Variants in EPHB1 observed in about 807,000 individuals in gnomAD.
EPHB1 encodes the protein ephrin type-B receptor 1.
EPHB1 carries 30 observed loss-of-function variants against 94.4 expected under a neutral mutation model. The ratio of observed to expected loss-of-function variants is 0.32; its 90% CI spans 0.24 to 0.43. EPHB1 has a LOEUF of 0.43. Among genes scored for constraint, EPHB1 ranks in the 20% least tolerant of loss-of-function variants. The pLI is 1.00. For synonymous variants in EPHB1, 522 were observed against 489.1 expected (o/e 1.07, Z -0.89); for missense variants, 1,055 against 1,308.3 (o/e 0.81, Z 2.99).
intron 10 of EPHB1, among the ~76,000 whole-genome samples, chr3:135,186,484 T>G (rs1559866857): frequency 6.6e-6 from 1 of 152,240 alleles, no homozygotes; most frequent in Admixed American, 6.5e-5. Flanking sequence ...CTAGTTTAAA[T>G]GTATTCTTTA....
chr3:134,910,733 G>C (rs192249043), intron 1 of EPHB1, among the ~76,000 whole-genome samples: 1 of 152,294 alleles, frequency 6.6e-6, no homozygotes, highest in African/African-American at 2.4e-5. Context: ...TCTTGCCATT[G>C]ACCCCTGGCA....
intron 3 of EPHB1, among the ~76,000 whole-genome samples, chr3:135,073,471 C>T (rs563133740): frequency 9.2e-5 from 14 of 152,276 alleles, no homozygotes; most frequent in Admixed American, 7.2e-4. Flanking sequence ...TTAACTAATT[C>T]CTTATGTTGA....
intron 3 of EPHB1, among the ~76,000 whole-genome samples, chr3:135,047,191 G>C (rs1379391604): frequency 6.6e-6 from 1 of 152,232 alleles, no homozygotes; most frequent in Non-Finnish European, 1.5e-5. Flanking sequence ...GGCCCTGATG[G>C]AGGGAGAGAG....
chr3:135,151,463 C>T (rs1008205068), intron 5 of EPHB1, among the ~76,000 whole-genome samples: 1 of 152,160 alleles, frequency 6.6e-6, no homozygotes, highest in African/African-American at 2.4e-5. Context: ...GATCACACAC[C>T]TCTCACCTCT....
At chr3:135,233,354 TATTAAACC>T (rs1267575931) in intron 12 of EPHB1, among the ~76,000 whole-genome samples, 1 of 152,214 alleles carries the variant, frequency 6.6e-6, no homozygotes, top group Admixed American at 6.5e-5. Context: ...AATGGGCAGT[TATTAAACC>T]TTAAAGTTCC....
At chr3:134,988,672 C>T (rs191204719) in intron 3 of EPHB1, among the ~76,000 whole-genome samples, 6 of 152,108 alleles carry the variant, frequency 3.9e-5, no homozygotes, top group African/African-American at 1.2e-4. Context: ...CCCTATCATG[C>T]GGTTTTTACT....
At chr3:135,145,049 C>T (rs1054147349) in intron 5 of EPHB1, among the ~76,000 whole-genome samples, 1 of 152,220 alleles carries the variant, frequency 6.6e-6, no homozygotes, top group Non-Finnish European at 1.5e-5. Flanking sequence ...TCTACTTTGA[C>T]CAGAAGTGTT....
chr3:135,071,395 G>T lies in EPHB1; in HGVS notation c.806-35053G>T, dbSNP rs116431896. 3.2e-3 allele frequency among the ~76,000 whole-genome samples: 495 copies of T among 152,328 alleles called. 4 individuals carry two copies. The highest frequency in any genetic ancestry group is 3.4e-3 in the Middle Eastern group (1 of 294). On this transcript the variant is annotated intron_variant, in intron 3 of 15. Coordinates refer to ENST00000398015, the MANE Select transcript of EPHB1 (RefSeq NM_004441.5). ...GAGGCAAAGATCATTTCCAGCTAAT[G>T]TGAGAGGTAGAAAGTCTCTGTAAGA... is the stretch of plus-strand genomic sequence containing the variant.
At chr3:135,209,255 T>C (rs1942975255) in intron 12 of EPHB1, among the ~76,000 whole-genome samples, 1 of 152,204 alleles carries the variant, frequency 6.6e-6, no homozygotes, top group Admixed American at 6.5e-5. Flanking sequence ...AATGGATGCT[T>C]AAACTTAAGG....
chr3:135,154,003 G>A (rs1401888303), intron 5 of EPHB1, 149 bp from the exon 6 acceptor site: 43 of 1,061,120 alleles, frequency 4.1e-5, no homozygotes, highest in Non-Finnish European at 5.9e-5. Flanking sequence ...AAACCCACAG[G>A]AAGTTCTGCA....
chr3:134,871,629 C>A (rs776169999), intron 1 of EPHB1, among the ~76,000 whole-genome samples: 1 of 152,144 alleles, frequency 6.6e-6, no homozygotes, highest in African/African-American at 2.4e-5. Context: ...CCAGGGCTTT[C>A]TGGGTGATCT....
intron 2 of EPHB1, among the ~76,000 whole-genome samples, chr3:134,949,198 G>A (rs1932918004): frequency 6.6e-6 from 1 of 152,152 alleles, no homozygotes; most frequent in Non-Finnish European, 1.5e-5. Flanking sequence ...AAGGATACTG[G>A]CAGGAGCTGA....
chr3:134,917,128 A>C (rs1014346028), intron 1 of EPHB1, among the ~76,000 whole-genome samples: 1 of 152,238 alleles, frequency 6.6e-6, no homozygotes, highest in Admixed American at 6.5e-5. Context: ...TGAGGATTCC[A>C]GAGACAGAAA....
At chr3:135,123,371 C>T (rs74696693) in intron 4 of EPHB1, among the ~76,000 whole-genome samples, 247 of 152,268 alleles carry the variant, frequency 1.6e-3, no homozygotes, top group African/African-American at 5.3e-3. Flanking sequence ...CCATGTTGAC[C>T]TCCACTGCTT....
At chr3:134,964,379 G>T (rs1014215252) in intron 3 of EPHB1, among the ~76,000 whole-genome samples, 3 of 152,148 alleles carry the variant, frequency 2.0e-5, no homozygotes, top group Admixed American at 6.5e-5. Flanking sequence ...CAGAATGGTC[G>T]CAAGCCCATA....
chr3:134,862,240 A>G (rs1179104687), intron 1 of EPHB1, among the ~76,000 whole-genome samples: 1 of 152,156 alleles, frequency 6.6e-6, no homozygotes. Flanking sequence ...GGAGGCAGGA[A>G]CAGTTGGTGC....
chr3:134,856,098 G>A (rs1215177414), intron 1 of EPHB1, among the ~76,000 whole-genome samples: 1 of 152,172 alleles, frequency 6.6e-6, no homozygotes, highest in Admixed American at 6.5e-5. Flanking sequence ...CTAAAAAATG[G>A]TGGAAAGCAG....
intron 3 of EPHB1, among the ~76,000 whole-genome samples, chr3:134,989,454 TATTGAC>T (rs1311264047): frequency 2.0e-5 from 3 of 152,076 alleles, no homozygotes; most frequent in African/African-American, 7.2e-5. Context: ...TACACATTTC[TATTGAC>T]ATTTCAATAC....
chr3:135,156,601 C>T (rs1438978968), intron 6 of EPHB1, among the ~76,000 whole-genome samples: 2 of 152,134 alleles, frequency 1.3e-5, no homozygotes, highest in African/African-American at 4.8e-5. Context: ...GGAGGTATGC[C>T]CTTCAGCCAT....
Sources: allele counts gnomAD v4.1 joint callset (sites outside exome capture counted in the v4.1 genomes callset), GRCh38; gene constraint gnomAD v4.1.1; transcripts MANE v1.5; gene names NCBI Gene and HGNC (gene_info 2026-07-23, HGNC 2026-07-21).